Variants in DLGAP2 observed in about 807,000 individuals in gnomAD.
The protein encoded by DLGAP2 is DLG associated protein 2.
In DLGAP2, 26 loss-of-function variants were observed where a neutral mutation model predicts 100.3. The ratio of observed to expected loss-of-function variants is 0.26; its 90% CI spans 0.19 to 0.36. The LOEUF is 0.36. Ranked by LOEUF, DLGAP2 falls within the 10% of genes least tolerant of loss-of-function variation. The pLI is 1.00. For missense variants in DLGAP2, 1,858 were observed against 1,453.2 expected (o/e 1.28, Z -4.53); for synonymous variants, 886 against 630.1 (o/e 1.41, Z -6.08).
chr8:1,701,220 G>A lies in DLGAP2; in HGVS notation c.2982G>A (p.Lys994=). 8.9e-6 allele frequency: 14 copies of A among 1,573,848 alleles called. No homozygotes were observed. Among genetic ancestry groups the A allele is most frequent in the Non-Finnish European group, 1.2e-5 (14 of 1,160,246 alleles). Residue 994 remains lysine, a synonymous_variant, in exon 15 of 15, where the codon AAG becomes AAA. Coordinates refer to ENST00000637795, the MANE Select transcript of DLGAP2 (RefSeq NM_001346810.2). ...GAAAGGTCCCGCCTCCAATACCAAAGAAGCCTCCCAAGGGGAAGTTTCCCA... is the reference window on the plus strand; with the variant it reads ...GAAAGGTCCCGCCTCCAATACCAAAAAAGCCTCCCAAGGGGAAGTTTCCCA... The part of the protein sequence containing the change: ...EERKVPPPIP[K]KPPKGKFPIT...
In DLGAP2 at chr8:1,512,267, C is replaced by G. The variant is rs140505005; in HGVS notation, c.172+10836C>G. On this transcript the variant is annotated intron_variant, in intron 4 of 14. Transcript: ENST00000637795. ...CCATAAATTTCAAAGAAACAAATGT[C>G]CCATAAACTTAAAAATAACCCATGA... 8.8e-4 allele frequency among the ~76,000 whole-genome samples: 134 copies of G among 152,320 alleles called. 1 individual carries two copies. Among genetic ancestry groups the G allele is most frequent in the Middle Eastern group, 6.8e-3 (2 of 294 alleles).
At chr8:933,163 G>A (rs1388767392) in intron 2 of DLGAP2, among the ~76,000 whole-genome samples, 1 of 152,256 alleles carries the variant, frequency 6.6e-6, no homozygotes, top group East Asian at 1.9e-4. Flanking sequence ...TTTGGCTTAT[G>A]GGTGGTCGGG....
chr8:987,420 G>A (rs963952575), intron 2 of DLGAP2, among the ~76,000 whole-genome samples: 8 of 152,104 alleles, frequency 5.3e-5, no homozygotes, highest in African/African-American at 1.9e-4. Flanking sequence ...CACCTCCCTT[G>A]GCTGCAGCCC....
At chr8:1,412,153 T>G (rs992054789) in intron 3 of DLGAP2, among the ~76,000 whole-genome samples, 1 of 152,212 alleles carries the variant, frequency 6.6e-6, no homozygotes, top group Non-Finnish European at 1.5e-5. Context: ...CTGTGCTCCC[T>G]TTTTAGCTCC....
In DLGAP2 at chr8:1,480,910, C is replaced by G. The variant is rs542240903; in HGVS notation, c.107-20456C>G. ...AGAAAAGGCTGGGAAGGGTGGCTTA[C>G]GCCTGTAATCCCAGCACTTTGGGAG... On this transcript the variant is annotated intron_variant, in intron 3 of 14. Coordinates refer to ENST00000637795, the MANE Select transcript of DLGAP2 (RefSeq NM_001346810.2). Among the ~76,000 whole-genome samples the G allele has an allele frequency of 3.9e-5, 6 of 151,918 alleles. No homozygotes were observed. In the South Asian group the frequency reaches 1.2e-3, roughly 32 times the overall value.
chr8:1,155,778 C>T (rs1796772552), intron 2 of DLGAP2, among the ~76,000 whole-genome samples: 1 of 152,164 alleles, frequency 6.6e-6, no homozygotes, highest in African/African-American at 2.4e-5. Flanking sequence ...GCTGGGACGC[C>T]CCGGTTCGGG....
At chr8:805,377 G>A (rs899802368) in intron 1 of DLGAP2, among the ~76,000 whole-genome samples, 1 of 152,078 alleles carries the variant, frequency 6.6e-6, no homozygotes, top group African/African-American at 2.4e-5. Flanking sequence ...GAGTTTCTTT[G>A]GGGCTGGGGC....
At chr8:1,043,518 C>A (rs1049334746) in intron 2 of DLGAP2, among the ~76,000 whole-genome samples, 42 of 151,886 alleles carry the variant, frequency 2.8e-4, no homozygotes, top group African/African-American at 9.7e-4. Context: ...CTCCCCCTGG[C>A]CTTCGTAGGA....
chr8:1,142,995 T>TAAA (rs1796547549), intron 2 of DLGAP2, among the ~76,000 whole-genome samples: 1 of 152,200 alleles, frequency 6.6e-6, no homozygotes, highest in African/African-American at 2.4e-5. Context: ...GAGGCCATTT[T>TAAA]TCCTGAGATT....
At chr8:1,113,387 G>A (rs997888029) in intron 2 of DLGAP2, among the ~76,000 whole-genome samples, 2 of 152,068 alleles carry the variant, frequency 1.3e-5, no homozygotes, top group South Asian at 2.1e-4. Context: ...AGGAGCATTT[G>A]GTAATTCTCA....
rs1386647911 is a variant in DLGAP2 at position 765,906 on chromosome 8, C to T, written c.18+28081C>T. Among the ~76,000 whole-genome samples the T allele has an allele frequency of 3.3e-5, 5 of 152,250 alleles. No homozygotes were observed. In the East Asian group the frequency reaches 5.8e-4, roughly 18 times the overall value. ...ACATATGGCCGGGTGCGGTGGCTCA[C>T]GCCTGTAATCCCAGTACTTTGGGAG... On this transcript the variant is annotated intron_variant, in intron 1 of 14. Transcript: ENST00000637795.
Position 1,655,745 on chromosome 8 carries a change from T to C in DLGAP2, c.1811-12584T>C, listed in dbSNP as rs540132873. On this transcript the variant is annotated intron_variant, in intron 8 of 14. Transcript: ENST00000637795. ...TTGGTCCAAAATCTCCTCCACGAGGTTGGCTAACCCAACACCTTGAAGACC... is the reference window on the plus strand; with the variant it reads ...TTGGTCCAAAATCTCCTCCACGAGGCTGGCTAACCCAACACCTTGAAGACC... Among the ~76,000 whole-genome samples, 27 of 152,330 alleles carry C rather than the reference T, an allele frequency of 1.8e-4. No individual in the cohort carries two copies. The South Asian group carries it at 2.7e-3, about 15-fold the overall frequency.
At chr8:1,646,324 C>T (rs1798039853) in intron 8 of DLGAP2, among the ~76,000 whole-genome samples, 1 of 152,182 alleles carries the variant, frequency 6.6e-6, no homozygotes, top group African/African-American at 2.4e-5. Flanking sequence ...TCGTCAGCCT[C>T]ATTGACGACA....
At chr8:1,515,051 A>C (rs991935621) in intron 4 of DLGAP2, among the ~76,000 whole-genome samples, 2 of 151,996 alleles carry the variant, frequency 1.3e-5, no homozygotes, top group Non-Finnish European at 2.9e-5. Context: ...ACGTGCAGGG[A>C]TACCGATCCC....
chr8:761,119 C>G (rs1188644533), intron 1 of DLGAP2, among the ~76,000 whole-genome samples: 1 of 152,196 alleles, frequency 6.6e-6, no homozygotes, highest in Non-Finnish European at 1.5e-5. Flanking sequence ...CCTTTCGTCT[C>G]TGCCCGGAGT....
intron 2 of DLGAP2, among the ~76,000 whole-genome samples, chr8:1,196,383 G>C (rs1585142121): frequency 6.6e-6 from 1 of 152,282 alleles, no homozygotes; most frequent in Non-Finnish European, 1.5e-5. Context: ...GTCAGCACAG[G>C]GGCTAACACA....
intron 2 of DLGAP2, among the ~76,000 whole-genome samples, chr8:1,103,039 T>G (rs1426168186): frequency 1.3e-5 from 2 of 151,752 alleles, no homozygotes; most frequent in Non-Finnish European, 2.9e-5. Context: ...TGGTTCCCTA[T>G]GAGTCTCTGG....
intron 3 of DLGAP2, among the ~76,000 whole-genome samples, chr8:1,332,341 T>TTG (rs372152600): frequency 1.3e-5 from 2 of 151,996 alleles, no homozygotes; most frequent in Non-Finnish European, 1.5e-5. Context: ...TATGCATGTA[T>TTG]TGTGTGTGTG....
intron 2 of DLGAP2, among the ~76,000 whole-genome samples, chr8:1,253,588 C>T (rs1479330607): frequency 6.6e-6 from 1 of 152,206 alleles, no homozygotes; most frequent in South Asian, 2.1e-4. Flanking sequence ...CCAGAAAACA[C>T]TGGGCTGGGC....
Sources: allele counts gnomAD v4.1 joint callset (sites outside exome capture counted in the v4.1 genomes callset), GRCh38; gene constraint gnomAD v4.1.1; transcripts MANE v1.5; gene names NCBI Gene and HGNC (gene_info 2026-07-23, HGNC 2026-07-21).